Variants in FAM107B observed in about 807,000 individuals in gnomAD.
FAM107B encodes the protein family with sequence similarity 107 member B, also known as protein FAM107B.
FAM107B carries 21 observed loss-of-function variants against 31.5 expected under a neutral mutation model. That is an observed-to-expected ratio of 0.67 (90% CI 0.47 to 0.96). The LOEUF (loss-of-function observed/expected upper bound fraction) is 0.96, where lower values mean the gene tolerates loss of function less well. Ranked by LOEUF, FAM107B falls within the 40% of genes least tolerant of loss-of-function variation. The pLI is 0.00. For missense variants in FAM107B, 452 were observed against 377.1 expected, an observed-to-expected ratio of 1.20 and a Z score of -1.64; for synonymous variants, 157 against 141.5, an observed-to-expected ratio of 1.11 and a Z score of -0.78.
intron 3 of FAM107B, among the ~76,000 whole-genome samples, chr10:14,528,339 G>C (rs1171498069): frequency 6.6e-6 from 1 of 151,884 alleles, no homozygotes; most frequent in Non-Finnish European, 1.5e-5. Flanking sequence ...GTGCCACCAA[G>C]CCCGGCTAAT....
At chr10:14,572,160 T>C in intron 2 of FAM107B, 1 of 985,324 alleles carries the variant, frequency 1.0e-6, no homozygotes, top group Non-Finnish European at 1.2e-6. Flanking sequence ...CTGAATGACC[T>C]CATCCGGCAC....
intron 3 of FAM107B, among the ~76,000 whole-genome samples, chr10:14,526,188 C>A (rs560208771): frequency 1.3e-5 from 2 of 151,772 alleles, no homozygotes; most frequent in African/African-American, 4.8e-5. Flanking sequence ...TCTTTTTTTC[C>A]GGGGGGACAG....
intron 2 of FAM107B, among the ~76,000 whole-genome samples, chr10:14,594,252 C>T (rs60553059): frequency 6.6e-6 from 1 of 152,180 alleles, no homozygotes; most frequent in Non-Finnish European, 1.5e-5. Context: ...CGGTGGCTCA[C>T]ACCCGTACTT....
chr10:14,730,518 G>A (rs905934890), intron 1 of FAM107B, among the ~76,000 whole-genome samples: 6 of 152,234 alleles, frequency 3.9e-5, no homozygotes, highest in Admixed American at 6.5e-5. Context: ...GGGAACCAGC[G>A]GAGCTGAGAG....
chr10:14,720,501 G>A (rs1056733234), intron 1 of FAM107B, among the ~76,000 whole-genome samples: 1 of 152,186 alleles, frequency 6.6e-6, no homozygotes, highest in Non-Finnish European at 1.5e-5. Flanking sequence ...TTATCCGCCT[G>A]CCTCAGCCTT....
At chr10:14,575,712 T>C (rs1851444187) in intron 2 of FAM107B, among the ~76,000 whole-genome samples, 1 of 152,174 alleles carries the variant, frequency 6.6e-6, no homozygotes, top group Non-Finnish European at 1.5e-5. Flanking sequence ...TACATCACAA[T>C]GCAGACAGAC....
At position 14,639,493 on chromosome 10, in the gene FAM107B, ATAAG is replaced by A. The variant is rs906334757; in HGVS notation, c.469+28137_469+28140del. Among the ~76,000 whole-genome samples the A allele has an allele frequency of 2.0e-4, 30 of 152,314 alleles. No individual in the cohort carries two copies. The Middle Eastern group carries it at 0.014, about 69-fold the overall frequency. ...GGACTAGTCAGGAAATCCAGTATAA[ATAAG>A]TGACATGGGGCTGGGAATCATGAAA... On this transcript the variant is annotated intron_variant, in intron 2 of 4. Transcript: ENST00000181796.
chr10:14,579,714 G>C (rs1375585770), intron 2 of FAM107B, among the ~76,000 whole-genome samples: 1 of 152,212 alleles, frequency 6.6e-6, no homozygotes, highest in African/African-American at 2.4e-5. Context: ...TCATTCACTA[G>C]TTCCTTCCAA....
At chr10:14,658,080 G>A (rs1476525168) in intron 2 of FAM107B, among the ~76,000 whole-genome samples, 1 of 152,102 alleles carries the variant, frequency 6.6e-6, no homozygotes, top group Non-Finnish European at 1.5e-5. Context: ...CCAAAGTGCT[G>A]GGATTACAGG....
intron 2 of FAM107B, among the ~76,000 whole-genome samples, chr10:14,650,237 A>C (rs982462619): frequency 2.0e-5 from 3 of 151,956 alleles, no homozygotes; most frequent in Non-Finnish European, 4.4e-5. Context: ...GGAAGGTTAT[A>C]TAAGCTCATT....
At chr10:14,620,392 A>C (rs79693752) in intron 2 of FAM107B, among the ~76,000 whole-genome samples, 17,271 of 151,954 alleles carry the variant, frequency 0.11, 1,260 homozygotes, top group Admixed American at 0.26. Context: ...TCTTATTTGT[A>C]TTACTTTACA....
chr10:14,519,752 T>C lies in FAM107B; in HGVS notation c.*1438A>G, dbSNP rs920366023. ...GATTCAAAAGCTCTAGATCCAGCTT[T>C]CTATGAGTCTTCAAAGAAAGTATGA... On this transcript the variant is annotated 3_prime_UTR_variant, in exon 5 of 5. Transcript: ENST00000181796. The C allele has an allele frequency of 2.0e-5, 3 of 152,224 alleles. No individual in the cohort carries two copies. Among genetic ancestry groups the C allele is most frequent in the African/African-American group, 7.2e-5 (3 of 41,450 alleles). The allele number at this position is 152,224 out of a possible 1,614,324, so 9.4% of individuals were successfully genotyped here. A position where few individuals can be genotyped will look rare whatever the true frequency, so the allele number is the denominator to read the frequency against.
rs560420196 is a variant in FAM107B at position 14,748,331 on chromosome 10, CT to C, written c.411+25921del. On this transcript the variant is annotated intron_variant, in intron 1 of 4. Transcript: ENST00000181796. The stretch of plus-strand genomic sequence containing the variant: ...AGCTCTAATAGAGGGTAGTGGACAT[CT>C]GTCATTCTTTTTGGCCACCTAGTAT... Among the ~76,000 whole-genome samples the C allele has an allele frequency of 1.8e-3, 270 of 152,318 alleles. 1 individual carries two copies. The highest frequency in any genetic ancestry group is 6.4e-3 in the African/African-American group (264 of 41,568).
intron 2 of FAM107B, among the ~76,000 whole-genome samples, chr10:14,547,044 C>A (rs537159594): frequency 7.9e-5 from 12 of 152,296 alleles, no homozygotes; most frequent in Admixed American, 7.8e-4. Flanking sequence ...CACATCCAAC[C>A]CAGATCTGGT....
chr10:14,642,487 A>T (rs1853652324), intron 2 of FAM107B, among the ~76,000 whole-genome samples: 1 of 152,188 alleles, frequency 6.6e-6, no homozygotes, highest in South Asian at 2.1e-4. Context: ...ATCTAGTGAA[A>T]TCCAAGAATT....
intron 2 of FAM107B, among the ~76,000 whole-genome samples, chr10:14,624,951 G>C (rs11259234): frequency 6.6e-6 from 1 of 152,172 alleles, no homozygotes; most frequent in African/African-American, 2.4e-5. Context: ...GTGGCCGGGC[G>C]TGGTGGCTCA....
intron 2 of FAM107B, among the ~76,000 whole-genome samples, chr10:14,625,842 C>T (rs1043918595): frequency 2.9e-5 from 4 of 138,288 alleles, no homozygotes; most frequent in Admixed American, 2.3e-4. Flanking sequence ...CAAAACCATC[C>T]GACCTCCATG....
rs1043546806 is a variant in FAM107B, at chr10:14,519,445, T to C, written c.*1745A>G. 6.6e-6 allele frequency: 1 copy of C among 152,186 alleles called. No homozygotes were observed. The highest frequency in any genetic ancestry group is 6.5e-5 in the Admixed American group (1 of 15,272). The allele number at this position is 152,186 out of a possible 1,614,324, so 9.4% of individuals were successfully genotyped here. ...TCATCAGTCATCACACTTCCTTCTC[T>C]CAAAAGAACGATGGGAAAAAATAGT... On this transcript the variant is annotated 3_prime_UTR_variant, in exon 5 of 5. Transcript: ENST00000181796.
At chr10:14,546,690 T>C (rs193075046) in intron 2 of FAM107B, among the ~76,000 whole-genome samples, 1 of 152,330 alleles carries the variant, frequency 6.6e-6, no homozygotes, top group African/African-American at 2.4e-5. Flanking sequence ...TACTTCCCAC[T>C]GCATCTTGCT....
Sources: allele counts gnomAD v4.1 joint callset (sites outside exome capture counted in the v4.1 genomes callset), GRCh38; gene constraint gnomAD v4.1.1; transcripts MANE v1.5; gene names NCBI Gene and HGNC (gene_info 2026-07-23, HGNC 2026-07-21).